The following INTU variants were observed in gnomAD, a reference collection of about 807,000 sequenced individuals.
INTU encodes inturned planar cell polarity protein, also known as protein inturned.
In INTU, 68 loss-of-function variants were observed where a neutral mutation model predicts 100.5. The ratio of observed to expected loss-of-function variants is 0.68; its 90% confidence interval spans 0.56 to 0.83. The LOEUF is 0.83. Ranked by LOEUF, INTU falls within the 40% of genes least tolerant of loss-of-function variation. INTU has a pLI of 0.00. For missense variants in INTU, 1,071 were observed against 1,114.7 expected, an observed-to-expected ratio of 0.96 and a Z score of 0.56; for synonymous variants, 357 against 395.7, an observed-to-expected ratio of 0.90 and a Z score of 1.16.
intron 8 of INTU, among the ~76,000 whole-genome samples, chr4:127,696,772 T>C (rs1310679834): frequency 6.6e-6 from 1 of 152,160 alleles, no homozygotes; most frequent in Admixed American, 6.5e-5. Context: ...GAAACTTGGA[T>C]TATTGATTTT....
intron 1 of INTU, among the ~76,000 whole-genome samples, chr4:127,643,209 T>G (rs980596916): frequency 7.9e-5 from 12 of 152,160 alleles, no homozygotes; most frequent in African/African-American, 2.4e-4. Context: ...GTTGATTTAA[T>G]TTTTTTCAAC....
rs1731288117 is a variant in INTU at position 127,717,680 on chromosome 4, TCTGA to T, written c.*1248_*1251del. The T allele has an allele frequency of 6.6e-6, 1 of 152,240 alleles. No individual in the cohort carries two copies. 9.4% of individuals were successfully genotyped at this position (152,240 alleles called of 1,614,324 possible). On this transcript the variant is annotated 3_prime_UTR_variant, in exon 16 of 16. Transcript: ENST00000335251. ...TTCTTGACTTTTTAATAATAGCCAC[TCTGA>T]CTGGTGTGAGATGATATCTCATTGT...
At chr4:127,644,878 C>A (rs1727503725) in intron 2 of INTU, among the ~76,000 whole-genome samples, 1 of 152,142 alleles carries the variant, frequency 6.6e-6, no homozygotes. Context: ...AACTTTAAAT[C>A]TGAATTTCAT....
In INTU at chr4:127,655,199, G is replaced by A. The variant is rs541123120; in HGVS notation, c.683-1437G>A. Among the ~76,000 whole-genome samples, 1,369 of 151,456 alleles carry A rather than the reference G, an allele frequency of 9.0e-3. 15 individuals are homozygous for A. The highest frequency in any genetic ancestry group is 0.031 in the African/African-American group (1,259 of 41,164). On this transcript the variant is annotated intron_variant, in intron 2 of 15. Transcript: ENST00000335251. ...TCTCGTAGCTCAGAGTAATTTCATC[G>A]TCTGAAGCCTTCTTCTCTCAGCTCG...
chr4:127,665,232 A>G (rs1458331554), intron 4 of INTU, among the ~76,000 whole-genome samples: 1 of 148,968 alleles, frequency 6.7e-6, no homozygotes, highest in Admixed American at 6.7e-5. Context: ...TATATATTAT[A>G]CAATATATAA....
chr4:127,640,362 G>T (rs370331211), intron 1 of INTU, among the ~76,000 whole-genome samples: 10 of 151,150 alleles, frequency 6.6e-5, no homozygotes, highest in East Asian at 5.8e-4. Flanking sequence ...CTGTGTGGGG[G>T]TCTCTTATTT....
intron 6 of INTU, chr4:127,683,747 T>A (rs1342916451): frequency 2.0e-5 from 3 of 152,202 alleles, no homozygotes. Flanking sequence ...AGAATAACTT[T>A]GGGTCTAAGA....
intron 3 of INTU, among the ~76,000 whole-genome samples, chr4:127,661,174 G>C (rs1007994891): frequency 6.6e-6 from 1 of 151,966 alleles, no homozygotes; most frequent in Non-Finnish European, 1.5e-5. Flanking sequence ...TTTTTGTTGT[G>C]GTGAGACAAA....
At chr4:127,642,112 G>T (rs1423419686) in intron 1 of INTU, among the ~76,000 whole-genome samples, 3 of 152,102 alleles carry the variant, frequency 2.0e-5, no homozygotes, top group Admixed American at 2.0e-4. Context: ...AGGTAGCTTT[G>T]TTACTAAATG....
intron 8 of INTU, among the ~76,000 whole-genome samples, chr4:127,689,828 C>T (rs1052934638): frequency 1.3e-5 from 2 of 152,110 alleles, no homozygotes; most frequent in Admixed American, 1.3e-4. Context: ...AACTAGATAA[C>T]TTTACCTTTA....
At position 127,710,490 on chromosome 4, in the gene INTU, T is replaced by C. The variant is rs1250706918; in HGVS notation, c.2370-423T>C. 2.6e-5 allele frequency among the ~76,000 whole-genome samples: 4 copies of C among 152,178 alleles called. No homozygotes were observed. The East Asian group carries it at 7.7e-4, about 29-fold the overall frequency. The stretch of plus-strand genomic sequence containing the variant: ...GCTACTAACTTAAATGTATTTAATT[T>C]GTTGGAAGGTATTTTTATATGTGGT... On this transcript the variant is annotated intron_variant, in intron 13 of 15. Transcript: ENST00000335251.
chr4:127,681,306 G>A (rs182667929), intron 6 of INTU, among the ~76,000 whole-genome samples: 218 of 152,144 alleles, frequency 1.4e-3, no homozygotes, highest in Non-Finnish European at 2.0e-3. Flanking sequence ...TCAATCCTAA[G>A]CCAAAAGAAC....
Position 127,706,553 on chromosome 4 carries a change from G to A in INTU, c.1855G>A (p.Gly619Arg). 6.2e-7 allele frequency: 1 copy of A among 1,613,936 alleles called. No homozygotes were observed. The highest frequency in any genetic ancestry group is 8.5e-7 in the Non-Finnish European group (1 of 1,179,896). ...CGCATCCAAAGCTATTGGGAGTCCT[G>A]GACCAGACTGTGTATATGTGGATCA... ...GCASKAIGSP[G>R]PDCVYVDQVK... The change falls in exon 12 of 16, where the codon GGA becomes AGA. Residue 619 changes from glycine (G) to arginine (R), a missense_variant. By Grantham distance (125) the Gly-to-Arg change is moderately radical. Coordinates refer to ENST00000335251, the MANE Select transcript of INTU (RefSeq NM_015693.4).
At chr4:127,673,239 C>T (rs1249766722) in intron 5 of INTU, among the ~76,000 whole-genome samples, 4 of 151,964 alleles carry the variant, frequency 2.6e-5, no homozygotes, top group Non-Finnish European at 5.9e-5. Context: ...GTGCATGGTG[C>T]AATCATGGCT....
At chr4:127,663,144 C>T (rs1728543997) in intron 3 of INTU, among the ~76,000 whole-genome samples, 1 of 152,078 alleles carries the variant, frequency 6.6e-6, no homozygotes, top group Admixed American at 6.6e-5. Flanking sequence ...TTATACAGAA[C>T]ATTATAATTC....
At chr4:127,677,249 G>C (rs1275270417) in intron 6 of INTU, among the ~76,000 whole-genome samples, 1 of 152,126 alleles carries the variant, frequency 6.6e-6, no homozygotes, top group Non-Finnish European at 1.5e-5. Flanking sequence ...AGAGAGCAGT[G>C]GTTCTCCCAG....
intron 15 of INTU, 68 bp downstream of exon 15, chr4:127,714,161 T>G (rs1731185758): frequency 1.5e-6 from 2 of 1,294,348 alleles, no homozygotes; most frequent in Admixed American, 4.5e-5. Flanking sequence ...GTAAAGGAGA[T>G]TAACATTTTA....
At position 127,687,716 on chromosome 4, in the gene INTU, A is replaced by T. The variant is rs1318807168; in HGVS notation, c.1298A>T (p.His433Leu). 3 of 1,612,704 alleles carry T rather than the reference A, an allele frequency of 1.9e-6. No homozygotes were observed. In the Admixed American group the frequency reaches 5.0e-5, roughly 27 times the overall value. Residue 433 changes from histidine (H) to leucine (L), a missense_variant, in exon 8 of 16, where the codon CAT becomes CTT. His to Leu is a moderately conservative substitution (Grantham distance 99). Transcript: ENST00000335251. ...ATTGAGAATGTTCCTCGTTTGGATC[A>T]TTTTTTTAACTTGTTCTTTCAAAGA... ...CQIENVPRLD[H>L]FFNLFFQRAL...
intron 3 of INTU, among the ~76,000 whole-genome samples, chr4:127,657,806 A>T (rs766092400): frequency 6.6e-5 from 10 of 152,020 alleles, no homozygotes; most frequent in Non-Finnish European, 1.2e-4. Context: ...ATTCTACATT[A>T]TGGTGAGTTG....
Sources: gnomAD v4.1 joint callset for allele counts (sites outside exome capture counted in the v4.1 genomes callset) on GRCh38, gnomAD v4.1.1 for gene constraint, MANE v1.5 for transcripts, NCBI Gene and HGNC (gene_info 2026-07-23, HGNC 2026-07-21) for gene names.